Variants in NTNG1 observed in about 807,000 individuals in gnomAD.
The protein encoded by NTNG1 is netrin G1, also known as netrin-G1.
A neutral mutation model predicts 54.0 loss-of-function variants in NTNG1; 16 were observed. The ratio of observed to expected loss-of-function variants is 0.30; its 90% CI spans 0.20 to 0.45. The LOEUF is 0.45. Ranked by LOEUF, NTNG1 falls within the 20% of genes least tolerant of loss-of-function variation. NTNG1 has a pLI of 1.00. For missense variants in NTNG1, 530 were observed against 678.7 expected, an observed-to-expected ratio of 0.78 and a Z score of 2.43; for synonymous variants, 255 against 263.1, an observed-to-expected ratio of 0.97 and a Z score of 0.30.
intron 2 of NTNG1, among the ~76,000 whole-genome samples, chr1:107,282,675 C>T (rs1191833775): frequency 6.6e-6 from 1 of 152,142 alleles, no homozygotes; most frequent in East Asian, 1.9e-4. Context: ...ACCCTTGGTT[C>T]TAGTTAGCTT....
At chr1:107,288,750 A>G (rs1665381021) in intron 2 of NTNG1, among the ~76,000 whole-genome samples, 1 of 152,162 alleles carries the variant, frequency 6.6e-6, no homozygotes, top group African/African-American at 2.4e-5. Flanking sequence ...TTGGTAGTTA[A>G]TGGAAGTCAA....
intron 7 of NTNG1, 130 bp from the exon 8 acceptor site, chr1:107,480,481 G>A: frequency 1.6e-6 from 1 of 621,774 alleles, no homozygotes. Flanking sequence ...TTGTGGAGGG[G>A]AGGGGGGAGC....
intron 2 of NTNG1, among the ~76,000 whole-genome samples, chr1:107,170,288 T>C (rs957285000): frequency 1.3e-5 from 2 of 152,192 alleles, no homozygotes; most frequent in African/African-American, 4.8e-5. Context: ...AAAGGGAGTT[T>C]GAGCCTAAGG....
chr1:107,401,389 T>C (rs1247062755), intron 4 of NTNG1, among the ~76,000 whole-genome samples: 2 of 152,164 alleles, frequency 1.3e-5, no homozygotes, highest in Non-Finnish European at 2.9e-5. Context: ...CACTGATCTA[T>C]TGTCTGTGGT....
intron 2 of NTNG1, among the ~76,000 whole-genome samples, chr1:107,275,467 G>C (rs913018186): frequency 6.6e-6 from 1 of 152,188 alleles, no homozygotes; most frequent in Non-Finnish European, 1.5e-5. Flanking sequence ...CAAGTCCCAA[G>C]ATCTGCAGTT....
At chr1:107,339,807 CTT>C (rs1668796506) in intron 3 of NTNG1, among the ~76,000 whole-genome samples, 1 of 151,992 alleles carries the variant, frequency 6.6e-6, no homozygotes, top group Non-Finnish European at 1.5e-5. Flanking sequence ...AATGTAAACT[CTT>C]AAGTATTTTG....
At chr1:107,231,474 A>T (rs1052684703) in intron 2 of NTNG1, among the ~76,000 whole-genome samples, 2 of 152,136 alleles carry the variant, frequency 1.3e-5, no homozygotes, top group Non-Finnish European at 1.5e-5. Flanking sequence ...TTCTCAACAG[A>T]TTGTATACTT....
In NTNG1 at chr1:107,483,341, A is replaced by G. The variant is rs1678840462; in HGVS notation, c.*2501A>G. ...ACTGATTCATCTGCATTTTATCTTT[A>G]TGAGGCCATAAGAATCTAAATTGAT... On this transcript the variant is annotated 3_prime_UTR_variant, in exon 8 of 8. Transcript: ENST00000370068. 1 of 152,246 alleles carries G rather than the reference A, an allele frequency of 6.6e-6. No homozygotes were observed. The highest frequency in any genetic ancestry group is 1.5e-5 in the Non-Finnish European group (1 of 68,044). 9.4% of individuals were successfully genotyped at this position (152,246 alleles called of 1,614,324 possible).
At chr1:107,421,089 C>A in intron 5 of NTNG1, 1 of 1,608,180 alleles carries the variant, frequency 6.2e-7, no homozygotes, top group South Asian at 1.1e-5. Context: ...TCCAGTTGCT[C>A]CCAAATTAGC....
intron 5 of NTNG1, chr1:107,408,060 C>A (rs775869597): frequency 8.0e-6 from 3 of 377,140 alleles, no homozygotes; most frequent in Non-Finnish European, 5.1e-6. Flanking sequence ...ATTGAACTCT[C>A]TCTTAGACTG....
At chr1:107,336,482 A>G (rs1449581405) in intron 3 of NTNG1, among the ~76,000 whole-genome samples, 1 of 152,026 alleles carries the variant, frequency 6.6e-6, no homozygotes, top group East Asian at 1.9e-4. Flanking sequence ...TTCAAAATGC[A>G]TTAAAGACCT....
intron 4 of NTNG1, among the ~76,000 whole-genome samples, chr1:107,396,551 C>T (rs1013657654): frequency 1.3e-5 from 2 of 152,050 alleles, no homozygotes; most frequent in East Asian, 3.9e-4. Flanking sequence ...TGAGCAGAAA[C>T]GTGGATGTTT....
At chr1:107,429,029 T>A (rs1675085789) in intron 5 of NTNG1, among the ~76,000 whole-genome samples, 1 of 152,034 alleles carries the variant, frequency 6.6e-6, no homozygotes, top group Non-Finnish European at 1.5e-5. Context: ...CATACTCGCC[T>A]CCCCTCTGAC....
chr1:107,423,394 G>C (rs1051325129), intron 5 of NTNG1, among the ~76,000 whole-genome samples: 1 of 151,978 alleles, frequency 6.6e-6, no homozygotes, highest in Non-Finnish European at 1.5e-5. Flanking sequence ...CATCTGAAAA[G>C]CCTACAATGC....
At position 107,480,769 on chromosome 1, in the gene NTNG1, C is replaced by T; in HGVS notation, c.1549C>T (p.Pro517Ser). ...CGGCTCCGACTCTGGCCAGGGCGCGCCCCCGCACGGCTCCCCAGCGCTGCT... is the reference window on the plus strand; with the variant it reads ...CGGCTCCGACTCTGGCCAGGGCGCGTCCCCGCACGGCTCCCCAGCGCTGCT... ...SCGSDSGQGAPPHGSPALLLL... is the reference protein window; with the variant it reads ...SCGSDSGQGASPHGSPALLLL... Residue 517 changes from proline (P) to serine (S), a missense_variant, in exon 8 of 8, where the codon CCC becomes TCC. By Grantham distance (74) the Pro-to-Ser change is moderately conservative. Coordinates refer to ENST00000370068, the MANE Select transcript of NTNG1 (RefSeq NM_001113226.3). 6.2e-7 allele frequency: 1 copy of T among 1,603,068 alleles called. No homozygotes were observed. The highest frequency in any genetic ancestry group is 8.5e-7 in the Non-Finnish European group (1 of 1,176,348).
At chr1:107,361,360 C>CATATAT (rs10659708) in intron 3 of NTNG1, among the ~76,000 whole-genome samples, 14 of 109,338 alleles carry the variant, frequency 1.3e-4, no homozygotes, top group Non-Finnish European at 1.5e-4. Context: ...CATTATATAA[C>CATATAT]ATATATATAT....
At chr1:107,266,201 AT>A (rs1354985083) in intron 2 of NTNG1, among the ~76,000 whole-genome samples, 1 of 152,162 alleles carries the variant, frequency 6.6e-6, no homozygotes, top group Non-Finnish European at 1.5e-5. Flanking sequence ...AATAGTGAAT[AT>A]GGGAGGGGAA....
chr1:107,479,069 T>G (rs1678524878), intron 7 of NTNG1, among the ~76,000 whole-genome samples: 1 of 152,248 alleles, frequency 6.6e-6, no homozygotes, highest in Admixed American at 6.5e-5. Context: ...TAGTAGGCCT[T>G]AATAGTCACT....
intron 3 of NTNG1, among the ~76,000 whole-genome samples, chr1:107,354,966 A>G (rs1368279751): frequency 4.6e-5 from 7 of 152,178 alleles, no homozygotes; most frequent in Admixed American, 3.3e-4. Context: ...TAGTATCCTA[A>G]AAATAATTCA....
Sources: gnomAD v4.1 joint callset for allele counts (sites outside exome capture counted in the v4.1 genomes callset) on GRCh38, gnomAD v4.1.1 for gene constraint, MANE v1.5 for transcripts, NCBI Gene and HGNC (gene_info 2026-07-23, HGNC 2026-07-21) for gene names.